DZANK1: variants seen among roughly 807,000 people sequenced by gnomAD.
The protein encoded by DZANK1 is double zinc ribbon and ankyrin repeat-containing protein 1.
DZANK1 carries 91 observed loss-of-function variants against 94.5 expected under a neutral mutation model. That is an observed-to-expected ratio of 0.96 (90% CI 0.81 to 1.15). The LOEUF is 1.15. DZANK1 is among the 50% of genes most tolerant of loss of function. The probability of loss-of-function intolerance (pLI) is 0.00; values close to 1 mark genes in which losing one functional copy is unlikely to be tolerated. For missense variants in DZANK1, 903 were observed against 916.4 expected (o/e 0.99, Z 0.19); for synonymous variants, 312 against 325.3 (o/e 0.96, Z 0.44).
intron 2 of DZANK1, among the ~76,000 whole-genome samples, chr20:18,461,286 T>A (rs1459152257): frequency 2.0e-5 from 3 of 152,336 alleles, no homozygotes; most frequent in Non-Finnish European, 4.4e-5. Context: ...ATATTTCTTT[T>A]TTCATTTATC....
intron 6 of DZANK1, among the ~76,000 whole-genome samples, chr20:18,451,356 A>T (rs1382766950): frequency 6.6e-6 from 1 of 152,136 alleles, no homozygotes; most frequent in East Asian, 1.9e-4. Context: ...GACATAGATG[A>T]TCTTCTCCTT....
chr20:18,402,803 G>T (rs1293947112), intron 13 of DZANK1, among the ~76,000 whole-genome samples: 1 of 152,224 alleles, frequency 6.6e-6, no homozygotes, highest in Non-Finnish European at 1.5e-5. Flanking sequence ...TGAGGTTGCT[G>T]CAGACCTGTA....
intron 12 of DZANK1, among the ~76,000 whole-genome samples, chr20:18,413,742 T>C (rs1820489686): frequency 1.3e-5 from 2 of 151,982 alleles, no homozygotes; most frequent in South Asian, 4.2e-4. Flanking sequence ...ATTGCACCAT[T>C]GCACTCCAGC....
At chr20:18,418,834 G>A (rs1033940280) in intron 10 of DZANK1, among the ~76,000 whole-genome samples, 1 of 152,076 alleles carries the variant, frequency 6.6e-6, no homozygotes, top group Non-Finnish European at 1.5e-5. Context: ...TTCTGGAATA[G>A]AAAAAGATAA....
chr20:18,453,673 T>G (rs1440202194), intron 5 of DZANK1, 58 bp downstream of exon 5: 7 of 1,228,138 alleles, frequency 5.7e-6, no homozygotes, highest in Non-Finnish European at 7.2e-6. Flanking sequence ...GAACATGCCA[T>G]GAACCTCTTC....
exon 21 of DZANK1, chr20:18,384,360 G>T: frequency 6.4e-7 from 1 of 1,571,934 alleles, no homozygotes; most frequent in Non-Finnish European, 8.6e-7. Context: ...TGCCAGCCAT[G>T]CACGTATTCT....
intron 2 of DZANK1, among the ~76,000 whole-genome samples, chr20:18,460,744 T>C (rs1458340394): frequency 6.6e-6 from 1 of 151,772 alleles, no homozygotes; most frequent in Non-Finnish European, 1.5e-5. Context: ...AAAAAAAAAG[T>C]TGTGATTTAA....
chr20:18,449,074 A>C lies in DZANK1; in HGVS notation c.544-5T>G. ...TACGTGTGCAAAACCGGGGGACTAA[A>C]ATTAAGAATATAGGTATAAAGACAG... On this transcript the variant is annotated splice_polypyrimidine_tract_variant and splice_region_variant and intron_variant, in intron 6 of 20. Coordinates refer to ENST00000262547, the Ensembl canonical transcript of DZANK1. 1 of 1,612,032 alleles carries C rather than the reference A, an allele frequency of 6.2e-7. No homozygotes were observed.
chr20:18,388,794 A>G (rs1038282050), intron 19 of DZANK1, among the ~76,000 whole-genome samples: 1 of 152,256 alleles, frequency 6.6e-6, no homozygotes, highest in Non-Finnish European at 1.5e-5. Flanking sequence ...AGTAAAATGC[A>G]TATAGAAAAA....
intron 13 of DZANK1, among the ~76,000 whole-genome samples, chr20:18,404,470 A>G (rs1199331229): frequency 6.6e-6 from 1 of 152,198 alleles, no homozygotes; most frequent in Non-Finnish European, 1.5e-5. Flanking sequence ...TGGGGGTGAA[A>G]TAGAGTTCAC....
intron 18 of DZANK1, among the ~76,000 whole-genome samples, chr20:18,390,077 C>A (rs543509306): frequency 1.3e-5 from 2 of 152,152 alleles, no homozygotes; most frequent in Non-Finnish European, 2.9e-5. Flanking sequence ...CCCTGACAAC[C>A]TTGCTTCTTT....
At chr20:18,458,433 T>C (rs981887506) in intron 3 of DZANK1, among the ~76,000 whole-genome samples, 6 of 152,250 alleles carry the variant, frequency 3.9e-5, no homozygotes, top group Non-Finnish European at 1.5e-5. Flanking sequence ...CACTCACAGA[T>C]AGGTAGTGGC....
chr20:18,397,982 C>T (rs1044848300), intron 14 of DZANK1, among the ~76,000 whole-genome samples: 3 of 152,094 alleles, frequency 2.0e-5, no homozygotes, highest in Admixed American at 2.0e-4. Context: ...CAGTCACAGA[C>T]CCGCCCAGAT....
chr20:18,464,745 G>A (rs1464494158), intron 2 of DZANK1, among the ~76,000 whole-genome samples: 2 of 139,700 alleles, frequency 1.4e-5, no homozygotes, highest in African/African-American at 2.7e-5. Flanking sequence ...GCGCGATCTC[G>A]GCTCACTGCA....
At chr20:18,419,902 C>A (rs2424189) in intron 10 of DZANK1, among the ~76,000 whole-genome samples, 141,482 of 146,590 alleles carry the variant, frequency 0.97, 68,377 homozygotes, top group East Asian at 1. Context: ...AAAAAAAAAA[C>A]AAACAGCTTT....
chr20:18,426,293 C>G (rs531127677), intron 10 of DZANK1, among the ~76,000 whole-genome samples: 1 of 152,144 alleles, frequency 6.6e-6, no homozygotes, highest in Non-Finnish European at 1.5e-5. Flanking sequence ...CATCCTGAAT[C>G]CATCCCCCAA....
chr20:18,429,905 G>A (rs1425360365), intron 9 of DZANK1, among the ~76,000 whole-genome samples: 1 of 152,130 alleles, frequency 6.6e-6, no homozygotes, highest in African/African-American at 2.4e-5. Context: ...GCGGTGATTT[G>A]GAATTGAGGC....
intron 8 of DZANK1, 181 bp from the exon 9 acceptor site, chr20:18,433,946 G>C (rs190417056): frequency 2.5e-4 from 140 of 552,278 alleles, no homozygotes; most frequent in African/African-American, 2.3e-3. Context: ...AGTTTGATTT[G>C]TTTTTGTAAA....
At chr20:18,415,138 A>G (rs1434663391) in intron 11 of DZANK1, among the ~76,000 whole-genome samples, 189 bp downstream of exon 11, 1 of 152,240 alleles carries the variant, frequency 6.6e-6, no homozygotes, top group Non-Finnish European at 1.5e-5. Context: ...ATGCAAGTCA[A>G]AACAGTCATC....
Sources: allele counts gnomAD v4.1 joint callset (sites outside exome capture counted in the v4.1 genomes callset), GRCh38; gene constraint gnomAD v4.1.1; transcripts MANE v1.5; gene names NCBI Gene and HGNC (gene_info 2026-07-23, HGNC 2026-07-21).